Variants in PIWIL4 observed in about 807,000 individuals in gnomAD.
PIWIL4 encodes the protein piwi like RNA-mediated gene silencing 4.
A neutral mutation model predicts 100.9 loss-of-function variants in PIWIL4; 50 were observed. That is an observed-to-expected ratio of 0.50 (90% CI 0.39 to 0.63). The LOEUF is 0.63. Ranked by LOEUF, PIWIL4 falls within the 20% of genes least tolerant of loss-of-function variation. The probability of loss-of-function intolerance (pLI) is 0.00; values close to 1 mark genes in which losing one functional copy is unlikely to be tolerated. For synonymous variants in PIWIL4, 342 were observed against 367.5 expected, an observed-to-expected ratio of 0.93 and a Z score of 0.79; for missense variants, 887 against 1,043.3, an observed-to-expected ratio of 0.85 and a Z score of 2.06.
intron 11 of PIWIL4, among the ~76,000 whole-genome samples, chr11:94,601,063 A>T (rs983933191): frequency 6.7e-6 from 1 of 150,362 alleles, no homozygotes; most frequent in Admixed American, 6.7e-5. Flanking sequence ...CTGAGGCGAC[A>T]TGCATCCTCC....
chr11:94,609,443 C>T (rs1441704301), intron 15 of PIWIL4, among the ~76,000 whole-genome samples: 5 of 152,046 alleles, frequency 3.3e-5, no homozygotes, highest in African/African-American at 9.7e-5. Context: ...TGTTTTCTTC[C>T]TGGCTTAAGC....
Position 94,587,030 on chromosome 11 carries a change from T to C in PIWIL4, c.717-20T>C, listed in dbSNP as rs79642982. 118 of 1,571,304 alleles carry C rather than the reference T, an allele frequency of 7.5e-5. No homozygotes were observed. The African/African-American group carries it at 1.0e-3, about 13-fold the overall frequency. On this transcript the variant is annotated intron_variant, in intron 6 of 19. Transcript: ENST00000299001. ...GTATAACATTGACAATATTCCTTTTTTTCTTTTTTGTTTTTAAAGATTATC... is the reference window on the plus strand; with the variant it reads ...GTATAACATTGACAATATTCCTTTTCTTCTTTTTTGTTTTTAAAGATTATC...
chr11:94,609,480 G>C (rs1385474974), intron 15 of PIWIL4, among the ~76,000 whole-genome samples: 1 of 152,100 alleles, frequency 6.6e-6, no homozygotes, highest in Non-Finnish European at 1.5e-5. Context: ...TTAAATTCAT[G>C]ATCAGGTATG....
intron 10 of PIWIL4, 59 bp from the exon 11 acceptor site, chr11:94,597,745 G>C (rs899987670): frequency 8.1e-7 from 1 of 1,240,926 alleles, no homozygotes; most frequent in African/African-American, 1.5e-5. Context: ...AGCCCCTGAC[G>C]AATTCAGTAA....
At chr11:94,577,543 A>ATGTGTG in intron 4 of PIWIL4, 51 bp downstream of exon 4, 14 of 1,401,258 alleles carry the variant, frequency 1.0e-5, no homozygotes, top group African/African-American at 1.4e-5. Flanking sequence ...TGTTTATTAT[A>ATGTGTG]TGTGTATACA....
intron 11 of PIWIL4, among the ~76,000 whole-genome samples, chr11:94,599,145 G>A (rs761774871): frequency 1.3e-5 from 2 of 152,184 alleles, no homozygotes; most frequent in Non-Finnish European, 2.9e-5. Context: ...TAGGATCTTG[G>A]CGAGAGTTCA....
intron 2 of PIWIL4, among the ~76,000 whole-genome samples, chr11:94,573,202 G>A (rs1207529767): frequency 2.6e-5 from 4 of 152,186 alleles, no homozygotes. Context: ...AGACGATGGG[G>A]TGTTCTAGAT....
At position 94,602,575 on chromosome 11, in the gene PIWIL4, A is replaced by T. The variant is rs151285016; in HGVS notation, c.1565+596A>T. On this transcript the variant is annotated intron_variant, in intron 12 of 19. Coordinates refer to ENST00000299001, the MANE Select transcript of PIWIL4 (RefSeq NM_152431.3). ...CTGGGAATGAGAAAGATAAATAAAT[A>T]GTTTTTCATTGAGTAAGAGATACAT... 3.2e-4 allele frequency among the ~76,000 whole-genome samples: 48 copies of T among 152,316 alleles called. No individual in the cohort carries two copies. The East Asian group carries it at 8.3e-3, about 26-fold the overall frequency.
intron 8 of PIWIL4, among the ~76,000 whole-genome samples, chr11:94,589,600 C>G (rs1948454830): frequency 6.6e-6 from 1 of 152,136 alleles, no homozygotes; most frequent in South Asian, 2.1e-4. Context: ...CTTCCCATTC[C>G]CCTGCTCCCT....
intron 2 of PIWIL4, among the ~76,000 whole-genome samples, chr11:94,571,915 G>A (rs1209981596): frequency 2.0e-5 from 3 of 152,186 alleles, no homozygotes; most frequent in Non-Finnish European, 2.9e-5. Context: ...GTGTAAAAGT[G>A]TTCCTATATT....
At chr11:94,574,521 A>T (rs1190331866) in intron 2 of PIWIL4, among the ~76,000 whole-genome samples, 2 of 152,196 alleles carry the variant, frequency 1.3e-5, no homozygotes, top group South Asian at 4.1e-4. Flanking sequence ...TGTTTTTGTG[A>T]GACAGGGTCT....
intron 5 of PIWIL4, 38 bp downstream of exon 5, chr11:94,583,607 GAT>G: frequency 6.2e-7 from 1 of 1,611,348 alleles, no homozygotes; most frequent in Non-Finnish European, 8.5e-7. Flanking sequence ...TTGGGCTAAT[GAT>G]ACCTTTCAGC....
intron 6 of PIWIL4, among the ~76,000 whole-genome samples, chr11:94,586,308 G>A (rs1010674885): frequency 5.9e-5 from 9 of 151,916 alleles, no homozygotes; most frequent in Admixed American, 5.9e-4. Context: ...TGCCTGTCCC[G>A]GAGGCTGGCT....
chr11:94,596,494 C>A (rs767739991), intron 10 of PIWIL4, among the ~76,000 whole-genome samples: 1 of 152,212 alleles, frequency 6.6e-6, no homozygotes, highest in Middle Eastern at 3.4e-3. Flanking sequence ...TAATACTGTA[C>A]GTCATGTTTT....
At chr11:94,586,776 C>T (rs1005089127) in intron 6 of PIWIL4, among the ~76,000 whole-genome samples, 1 of 152,128 alleles carries the variant, frequency 6.6e-6, no homozygotes, top group African/African-American at 2.4e-5. Flanking sequence ...GTACACAGGA[C>T]GGTCCCTAAC....
Position 94,577,469 on chromosome 11 carries a change from C to A in PIWIL4, c.490C>A (p.Leu164Met). ...AKAFDGAILF[L>M]SQKLEEKVTE... is the part of the protein sequence containing the mutation. The stretch of plus-strand genomic sequence containing the variant: ...AGCATTCGACGGTGCCATCCTTTTT[C>A]TGTCACAAAAGCTAGAAGAAAAGGT... The change falls in exon 4 of 20, where the codon CTG becomes ATG. Residue 164 changes from leucine to methionine, a missense_variant. Coordinates refer to ENST00000299001, the MANE Select transcript of PIWIL4 (RefSeq NM_152431.3). 6.2e-7 allele frequency: 1 copy of A among 1,613,248 alleles called. No individual in the cohort carries two copies. Among genetic ancestry groups the A allele is most frequent in the Non-Finnish European group, 8.5e-7 (1 of 1,179,598 alleles).
intron 13 of PIWIL4, among the ~76,000 whole-genome samples, chr11:94,606,888 T>C (rs1006293501): frequency 1.3e-5 from 2 of 151,838 alleles, no homozygotes; most frequent in African/African-American, 4.8e-5. Context: ...CCCCCACTCA[T>C]ATCCATACTC....
Position 94,608,573 on chromosome 11 carries a change from A to C in PIWIL4, c.1840-10A>C. The C allele has an allele frequency of 6.2e-7, 1 of 1,609,780 alleles. No individual in the cohort carries two copies. The highest frequency in any genetic ancestry group is 8.5e-7 in the Non-Finnish European group (1 of 1,176,374). On this transcript the variant is annotated splice_polypyrimidine_tract_variant and intron_variant, in intron 14 of 19. Transcript: ENST00000299001. ...CATCCCATTAAATCATGACAAATTT[A>C]ATTTTATAGTTAAAGTCCCTGATGG...
chr11:94,591,562 A>G (rs147579466), intron 8 of PIWIL4, among the ~76,000 whole-genome samples: 73 of 152,364 alleles, frequency 4.8e-4, no homozygotes, highest in African/African-American at 1.7e-3. Context: ...ACAGTTTGTT[A>G]AACATTTGGG....
Sources: allele counts gnomAD v4.1 joint callset (sites outside exome capture counted in the v4.1 genomes callset), GRCh38; gene constraint gnomAD v4.1.1; transcripts MANE v1.5; gene names NCBI Gene and HGNC (gene_info 2026-07-23, HGNC 2026-07-21).